The following CCDC22 variants were observed in gnomAD, a reference collection of about 807,000 sequenced individuals.
The protein encoded by CCDC22 is coiled-coil domain-containing protein 22.
A neutral mutation model predicts 53.1 loss-of-function variants in CCDC22; 4 were observed. The observed-to-expected ratio is 0.08, with a 90% CI of 0.04 to 0.17. The LOEUF is 0.17. Ranked by LOEUF, CCDC22 falls within the 10% of genes least tolerant of loss-of-function variation. The probability of loss-of-function intolerance (pLI) is 1.00; values close to 1 mark genes in which losing one functional copy is unlikely to be tolerated. For missense variants in CCDC22, 458 were observed against 554.0 expected, an observed-to-expected ratio of 0.83 and a Z score of 1.74; for synonymous variants, 222 against 224.4, an observed-to-expected ratio of 0.99 and a Z score of 0.10.
chrX:49,244,306 C>A (rs1399770273), intron 6 of CCDC22, among the ~76,000 whole-genome samples: 2 of 109,617 alleles, frequency 1.8e-5, no homozygotes, highest in African/African-American at 6.7e-5. Flanking sequence ...TCTGTCCCCT[C>A]TTCTTCTCTG....
At chrX:49,246,595 C>A in intron 6 of CCDC22, 136 bp from the exon 7 acceptor site, 1 of 485,559 alleles carries the variant, frequency 2.1e-6, no homozygotes. Context: ...TAGAGCAGGG[C>A]CTGCCTTAGT....
At chrX:49,247,921 G>A (rs1288985155) in intron 9 of CCDC22, among the ~76,000 whole-genome samples, 153 bp downstream of exon 9, 1 of 111,434 alleles carries the variant, frequency 9.0e-6, no homozygotes, top group Non-Finnish European at 1.9e-5. Context: ...CCTCTTGAGG[G>A]TGGCTATGAG....
intron 13 of CCDC22, 62 bp downstream of exon 13, chrX:49,248,986 A>G (rs2066007949): frequency 8.5e-7 from 1 of 1,175,755 alleles, no homozygotes; most frequent in Admixed American, 2.4e-5. Flanking sequence ...GTGGCCGCAC[A>G]GGGACCTCAC....
intron 2 of CCDC22, among the ~76,000 whole-genome samples, chrX:49,238,083 T>C (rs1389891531): frequency 2.0e-5 from 2 of 101,623 alleles, no homozygotes; most frequent in Non-Finnish European, 4.0e-5. Context: ...TTCTTTTTTT[T>C]TTTTTTTTGA....
chrX:49,248,476 C>G lies in CCDC22; in HGVS notation c.1282C>G (p.Leu428Val). Residue 428 changes from leucine (L) to valine (V), a missense_variant, in exon 11 of 17, where the codon CTC becomes GTC. Physicochemically the swap from Leu to Val is conservative, Grantham distance 32. Transcript: ENST00000376227. ...TCAGTGGGAGAAGCACCGGGTCCCA[C>G]TCCTCGCTGAGTACCGCCACCTCCG... ...AGQWEKHRVP[L>V]LAEYRHLRKL... The G allele has an allele frequency of 2.5e-6, 3 of 1,210,464 alleles. No individual in the cohort carries two copies. Among genetic ancestry groups the G allele is most frequent in the Non-Finnish European group, 1.1e-6 (1 of 894,994 alleles).
At chrX:49,239,964 T>C (rs1248921588) in intron 2 of CCDC22, among the ~76,000 whole-genome samples, 1 of 109,687 alleles carries the variant, frequency 9.1e-6, no homozygotes, top group Non-Finnish European at 1.9e-5. Context: ...AGGAGGTACA[T>C]GTGGGCTGGG....
intron 16 of CCDC22, 82 bp downstream of exon 16, chrX:49,249,807 CACACACAGCCGATGGCTGG>C (rs1557115142): frequency 1.3e-5 from 11 of 837,776 alleles, no homozygotes; most frequent in Non-Finnish European, 1.9e-5. Flanking sequence ...GCTGTGGAGC[CACACACAGCCGATGGCTGG>C]ACACCCAGCC....
chrX:49,247,994 G>C (rs1037895263), intron 9 of CCDC22, among the ~76,000 whole-genome samples, 197 bp from the exon 10 acceptor site: 4 of 111,171 alleles, frequency 3.6e-5, no homozygotes, highest in Non-Finnish European at 7.6e-5. Flanking sequence ...ATGGGCAGGG[G>C]ATTGAGGGGT....
Position 49,248,853 on chromosome X carries a change from C to T in CCDC22, c.1468C>T (p.Arg490Trp), listed in dbSNP as rs782508841. The T allele has an allele frequency of 3.3e-6, 4 of 1,210,692 alleles. No individual in the cohort carries two copies. Among genetic ancestry groups the T allele is most frequent in the South Asian group, 1.8e-5 (1 of 56,794 alleles). ...GGAGACTCTGCCCAGAGATGTGTCC[C>T]GGCTGGCCTACACCCAGCGCATCCT... Reference protein sequence around the residue: ...ELETLPRDVSRLAYTQRILEI... With the variant: ...ELETLPRDVSWLAYTQRILEI... The change falls in exon 13 of 17, where the codon CGG becomes TGG. Residue 490 changes from arginine (R) to tryptophan (W), a missense_variant. Physicochemically the swap from Arg to Trp is moderately radical, Grantham distance 101. Transcript: ENST00000376227.
intron 6 of CCDC22, among the ~76,000 whole-genome samples, chrX:49,245,610 A>T (rs2065985390): frequency 8.9e-6 from 1 of 111,860 alleles, no homozygotes; most frequent in East Asian, 2.8e-4. Flanking sequence ...TGACCTCATG[A>T]TCCATCTGCC....
At chrX:49,248,791 G>C in intron 12 of CCDC22, 26 bp from the exon 13 acceptor site, 2 of 1,206,533 alleles carry the variant, frequency 1.7e-6, no homozygotes, top group Non-Finnish European at 2.2e-6. Context: ...TGGTCCTGGG[G>C]CAGTGCCTGC....
chrX:49,250,148 A>G lies in CCDC22; in HGVS notation c.1771A>G (p.Ile591Val). The G allele has an allele frequency of 1.8e-6, 2 of 1,128,861 alleles. No individual in the cohort carries two copies. Among genetic ancestry groups the G allele is most frequent in the Non-Finnish European group, 2.4e-6 (2 of 837,498 alleles). The allele number at this position is 1,128,861 out of a possible 1,213,427, so 93.0% of individuals were successfully genotyped here. Residue 591 changes from isoleucine to valine, a missense_variant and splice_region_variant, in exon 17 of 17, where the codon ATC becomes GTC. This residue lies in a region of CCDC22 where 46 missense variants were observed against 52.3 expected (regional missense o/e 0.88). Coordinates refer to ENST00000376227, the MANE Select transcript of CCDC22 (RefSeq NM_014008.5). ...MREVRDLEEQ[I>V]ETELGKKTLS... is the part of the protein sequence containing the mutation. Reference sequence around the variant, plus strand: ...GGGGCATGTGTTCACATTGCCTCAGATCGAGACAGAGCTGGGCAAGAAGAC... The same window carrying G: ...GGGGCATGTGTTCACATTGCCTCAGGTCGAGACAGAGCTGGGCAAGAAGAC...
chrX:49,248,942 T>C lies in CCDC22; in HGVS notation c.1539+18T>C, dbSNP rs373970887. 9.6e-5 allele frequency: 115 copies of C among 1,201,764 alleles called. No homozygotes were observed. The highest frequency in any genetic ancestry group is 2.3e-4 in the Middle Eastern group (1 of 4,329). On this transcript the variant is annotated intron_variant, in intron 13 of 16. Coordinates refer to ENST00000376227, the MANE Select transcript of CCDC22 (RefSeq NM_014008.5). The stretch of plus-strand genomic sequence containing the variant: ...TCACCAAGGTACACTGCCAGGGCCA[T>C]GGAGGGTGGGTCATGTGGGCTGTCA...
intron 2 of CCDC22, among the ~76,000 whole-genome samples, chrX:49,241,555 A>G (rs1434202743): frequency 1.8e-5 from 2 of 108,757 alleles, no homozygotes; most frequent in Non-Finnish European, 3.8e-5. Flanking sequence ...AGTCCCCATC[A>G]GAACCCTCAT....
At chrX:49,249,615 G>GGGGGGGGGGGGA in intron 15 of CCDC22, 36 bp from the exon 16 acceptor site, 5 of 406,788 alleles carry the variant, frequency 1.2e-5, no homozygotes, top group East Asian at 7.5e-5. Context: ...GGGTGGGTGG[G>GGGGGGGGGGGGA]ACTGGGTGCA....
At position 49,243,011 on chromosome X, in the gene CCDC22, A is replaced by G. The variant is rs2065971669; in HGVS notation, c.468+19A>G. 1 of 1,133,070 alleles carries G rather than the reference A, an allele frequency of 8.8e-7. No individual in the cohort carries two copies. Among genetic ancestry groups the G allele is most frequent in the Non-Finnish European group, 1.2e-6 (1 of 846,914 alleles). The allele number at this position is 1,133,070 out of a possible 1,213,427, so 93.4% of individuals were successfully genotyped here. On this transcript the variant is annotated intron_variant, in intron 4 of 16. Coordinates refer to ENST00000376227, the MANE Select transcript of CCDC22 (RefSeq NM_014008.5). ...CCTCCAGGTGAGACCCCTGACTCCC[A>G]TGGATCTTCTCTTGTCCCCGTCTGG...
chrX:49,248,248 C>A lies in CCDC22; in HGVS notation c.1150C>A (p.Arg384Ser), dbSNP rs143790434. 5.0e-5 allele frequency: 60 copies of A among 1,203,024 alleles called. No homozygotes were observed. In the African/African-American group the frequency reaches 9.6e-4, roughly 19 times the overall value. ...TACAGCAGAGCGTGAGCAGGCCCTG[C>A]GCCTGAAGAGCCGCGCGGTGGAGCT... is the stretch of plus-strand genomic sequence containing the variant. ...LSTAEREQAL[R>S]LKSRAVELLP... Residue 384 changes from arginine (R) to serine (S), a missense_variant, in exon 10 of 17, where the codon CGC becomes AGC. This residue lies in a region of CCDC22 where 309 missense variants were observed against 312.3 expected (regional missense o/e 0.99). Transcript: ENST00000376227.
At chrX:49,249,764 G>T (rs968235670) in intron 16 of CCDC22, 39 bp downstream of exon 16, 1 of 1,065,968 alleles carries the variant, frequency 9.4e-7, no homozygotes, top group Non-Finnish European at 1.3e-6. Context: ...AAGGCGGGCC[G>T]GGGGGACAGT....
At chrX:49,247,328 C>T (rs1463179121) in intron 7 of CCDC22, among the ~76,000 whole-genome samples, 168 bp from the exon 8 acceptor site, 3 of 112,655 alleles carry the variant, frequency 2.7e-5, no homozygotes, top group Non-Finnish European at 3.8e-5. Flanking sequence ...CACTCTGGCC[C>T]GAGGTTGCAG....
Sources: gnomAD v4.1 joint callset for allele counts (sites outside exome capture counted in the v4.1 genomes callset) on GRCh38, gnomAD v4.1.1 for gene constraint, gnomAD v4.1.1 regional missense constraint, MANE v1.5 for transcripts, NCBI Gene and HGNC (gene_info 2026-07-23, HGNC 2026-07-21) for gene names.